The following UBE2G2 variants were observed in gnomAD, a reference collection of about 807,000 sequenced individuals.
The protein encoded by UBE2G2 is ubiquitin conjugating enzyme E2 G2.
In UBE2G2, 10 loss-of-function variants were observed where a neutral mutation model predicts 23.0. The observed-to-expected ratio is 0.43, with a 90% CI of 0.27 to 0.74. UBE2G2 has a LOEUF of 0.74. UBE2G2 is among the 30% of genes least tolerant of loss of function. The pLI is 0.19. For synonymous variants in UBE2G2, 86 were observed against 81.3 expected, an observed-to-expected ratio of 1.06 and a Z score of -0.31; for missense variants, 150 against 218.3, an observed-to-expected ratio of 0.69 and a Z score of 1.97.
chr21:44,794,304 T>A (rs148343283), intron 1 of UBE2G2, among the ~76,000 whole-genome samples: 1 of 152,182 alleles, frequency 6.6e-6, no homozygotes, highest in African/African-American at 2.4e-5. Flanking sequence ...CATTTACAAA[T>A]AATTTACAAA....
intron 3 of UBE2G2, among the ~76,000 whole-genome samples, chr21:44,785,255 G>T (rs908785231): frequency 6.6e-6 from 1 of 152,232 alleles, no homozygotes; most frequent in South Asian, 2.1e-4. Flanking sequence ...AGCCACGCTC[G>T]ATTTGATTGC....
chr21:44,799,747 A>G (rs2146410691), intron 1 of UBE2G2, among the ~76,000 whole-genome samples: 1 of 152,364 alleles, frequency 6.6e-6, no homozygotes, highest in East Asian at 1.9e-4. Flanking sequence ...AATTTCCTTT[A>G]AGAACTTTTC....
rs1446229492 is a variant in UBE2G2 at position 44,769,213 on chromosome 21, A to G, written c.*2164T>C. 6.6e-6 allele frequency: 1 copy of G among 152,146 alleles called. No homozygotes were observed. The highest frequency in any genetic ancestry group is 1.5e-5 in the Non-Finnish European group (1 of 68,016). The allele number at this position is 152,146 out of a possible 1,614,324, so 9.4% of individuals were successfully genotyped here. ...CCGATCTCACAGAAGCCTCCAGGCA[A>G]TTGTGTGCCCCTCCAGGGCCTGCAC... On this transcript the variant is annotated 3_prime_UTR_variant, in exon 6 of 6. Transcript: ENST00000345496.
At chr21:44,779,956 C>T (rs1555961111) in intron 3 of UBE2G2, among the ~76,000 whole-genome samples, 1 of 152,152 alleles carries the variant, frequency 6.6e-6, no homozygotes, top group Non-Finnish European at 1.5e-5. Flanking sequence ...TGCCAGCACT[C>T]AATATTTCTG....
At chr21:44,782,415 A>G (rs577418088) in intron 3 of UBE2G2, among the ~76,000 whole-genome samples, 25 of 152,328 alleles carry the variant, frequency 1.6e-4, no homozygotes, top group African/African-American at 5.5e-4. Flanking sequence ...CTCAATCAAA[A>G]TCCCACCAGG....
At chr21:44,795,497 T>G (rs781994228) in intron 1 of UBE2G2, among the ~76,000 whole-genome samples, 18 of 151,662 alleles carry the variant, frequency 1.2e-4, no homozygotes, top group Non-Finnish European at 2.9e-5. Flanking sequence ...CTAAGCGAGG[T>G]GGCATGCAAC....
At chr21:44,799,219 T>C (rs1431267925) in intron 1 of UBE2G2, among the ~76,000 whole-genome samples, 6 of 152,182 alleles carry the variant, frequency 3.9e-5, no homozygotes, top group African/African-American at 1.4e-4. Flanking sequence ...CCCTAAGATT[T>C]TCTGAATGAT....
chr21:44,794,044 T>C (rs373409191), intron 1 of UBE2G2, among the ~76,000 whole-genome samples: 5 of 55,580 alleles, frequency 9.0e-5, no homozygotes, highest in Non-Finnish European at 1.6e-4. Context: ...CTAGGGCCTT[T>C]AAGAGGTAAT....
At chr21:44,779,753 G>C (rs1304446543) in intron 3 of UBE2G2, among the ~76,000 whole-genome samples, 2 of 152,198 alleles carry the variant, frequency 1.3e-5, no homozygotes, top group Non-Finnish European at 2.9e-5. Flanking sequence ...TCTGATGAAA[G>C]GGCACCAAGG....
intron 3 of UBE2G2, among the ~76,000 whole-genome samples, chr21:44,777,628 T>C (rs2082923240): frequency 1.3e-5 from 2 of 152,010 alleles, no homozygotes; most frequent in Non-Finnish European, 2.9e-5. Context: ...GGCAACATGG[T>C]GAAACCCTGT....
At chr21:44,801,353 G>C in intron 1 of UBE2G2, 1 of 1,112,716 alleles carries the variant, frequency 9.0e-7, no homozygotes, top group Non-Finnish European at 1.1e-6. Flanking sequence ...TTCCGCAGCA[G>C]CAAGTCAGGC....
chr21:44,799,457 C>T (rs1290457020), intron 1 of UBE2G2, among the ~76,000 whole-genome samples: 1 of 152,192 alleles, frequency 6.6e-6, no homozygotes, highest in African/African-American at 2.4e-5. Context: ...TTCTGGAGAC[C>T]TTGCTGCTTC....
rs1417361568 is a variant in UBE2G2, at chr21:44,772,934, C to A, written c.385+613G>T. On this transcript the variant is annotated intron_variant, in intron 5 of 5. Coordinates refer to ENST00000345496, the MANE Select transcript of UBE2G2 (RefSeq NM_003343.6). The surrounding 1 kb of genome is among the most constrained non-coding windows in gnomAD (Gnocchi z 5.4). Reference sequence around the variant, plus strand: ...CTCCAATCCCCAGGGTCTGCTGGGGCTCCTCTCCCTGCAGCCTTGGCTCCA... The same window carrying A: ...CTCCAATCCCCAGGGTCTGCTGGGGATCCTCTCCCTGCAGCCTTGGCTCCA... 6.6e-6 allele frequency among the ~76,000 whole-genome samples: 1 copy of A among 152,202 alleles called. No individual in the cohort carries two copies. Among genetic ancestry groups the A allele is most frequent in the Non-Finnish European group, 1.5e-5 (1 of 68,038 alleles).
chr21:44,790,410 A>G (rs1430609945), intron 1 of UBE2G2, among the ~76,000 whole-genome samples: 1 of 152,186 alleles, frequency 6.6e-6, no homozygotes, highest in Non-Finnish European at 1.5e-5. Context: ...ATAGCCCCAA[A>G]CTGGAAACAA....
intron 3 of UBE2G2, among the ~76,000 whole-genome samples, chr21:44,780,194 G>T (rs563298246): frequency 6.6e-6 from 1 of 152,296 alleles, no homozygotes; most frequent in South Asian, 2.1e-4. Flanking sequence ...CAAATGCTCC[G>T]GTTTACTACT....
chr21:44,801,786 C>T lies in UBE2G2; in HGVS notation c.-38G>A. 6.6e-7 allele frequency: 1 copy of T among 1,505,324 alleles called. No homozygotes were observed. Among genetic ancestry groups the T allele is most frequent in the Non-Finnish European group, 8.8e-7 (1 of 1,130,690 alleles). The allele number at this position is 1,505,324 out of a possible 1,614,324, so 93.2% of individuals were successfully genotyped here. A position where few individuals can be genotyped will look rare whatever the true frequency, so the allele number is the denominator to read the frequency against. On this transcript the variant is annotated 5_prime_UTR_variant, in exon 1 of 6. Coordinates refer to ENST00000345496, the MANE Select transcript of UBE2G2 (RefSeq NM_003343.6). ...GCTGCGCCGAGCGACCTCGCCTCAG[C>T]CGCGCGCGTGCCTCCTGCCCCGACA...
Position 44,771,344 on chromosome 21 carries a change from G to A in UBE2G2, c.*33C>T, listed in dbSNP as rs781889738. 5.0e-6 allele frequency: 8 copies of A among 1,590,650 alleles called. No individual in the cohort carries two copies. In the South Asian group the frequency reaches 8.8e-5, roughly 18 times the overall value. Reference sequence around the variant, plus strand: ...GCCGGGGGAGAATGCTGAGCTGCTTGGCGGTGTGTGCGCGCCTGTGCGAGG... The same window carrying A: ...GCCGGGGGAGAATGCTGAGCTGCTTAGCGGTGTGTGCGCGCCTGTGCGAGG... On this transcript the variant is annotated 3_prime_UTR_variant, in exon 6 of 6. Coordinates refer to ENST00000345496, the MANE Select transcript of UBE2G2 (RefSeq NM_003343.6). This position sits in a 1 kb window ranked among gnomAD's most constrained non-coding sequence, Gnocchi z 4.6.
intron 4 of UBE2G2, chr21:44,777,084 GTGCCTGTTGTCTTT>G: frequency 2.1e-6 from 1 of 467,478 alleles, no homozygotes; most frequent in Non-Finnish European, 3.8e-6. Context: ...CCGGTTTTAG[GTGCCTGTTGTCTTT>G]TATCTATATT....
In UBE2G2 at chr21:44,770,812, G is replaced by A. The variant is rs1176559352; in HGVS notation, c.*565C>T. 2 of 152,236 alleles carry A rather than the reference G, an allele frequency of 1.3e-5. No homozygotes were observed. The highest frequency in any genetic ancestry group is 2.1e-4 in the South Asian group (1 of 4,834). The allele number at this position is 152,236 out of a possible 1,614,324, so 9.4% of individuals were successfully genotyped here. On this transcript the variant is annotated 3_prime_UTR_variant, in exon 6 of 6. Transcript: ENST00000345496. ...GAAGTATTTCTAAGTGTGATGGTTT[G>A]TAATATATAACAAATGAAAAGATGT...
Sources: gnomAD v4.1 joint callset for allele counts (sites outside exome capture counted in the v4.1 genomes callset) on GRCh38, gnomAD v4.1.1 for gene constraint, Gnocchi (gnomAD v3.1) non-coding constraint, MANE v1.5 for transcripts, NCBI Gene and HGNC (gene_info 2026-07-23, HGNC 2026-07-21) for gene names.